BAHCC1: variants seen among roughly 807,000 people sequenced by gnomAD.
BAHCC1 encodes the protein BAH and coiled-coil domain-containing protein 1.
BAHCC1 carries 43 observed loss-of-function variants against 88.2 expected under a neutral mutation model. The observed-to-expected ratio is 0.49, with a 90% CI of 0.38 to 0.63. The LOEUF (loss-of-function observed/expected upper bound fraction) is 0.63. Ranked by LOEUF, BAHCC1 falls within the 20% of genes least tolerant of loss-of-function variation. The pLI, the probability that BAHCC1 is intolerant of heterozygous loss-of-function variation, is 0.00. For missense variants in BAHCC1, 3,023 were observed against 1,654.8 expected, an observed-to-expected ratio of 1.83 and a Z score of -14.34; for synonymous variants, 1,510 against 745.5, an observed-to-expected ratio of 2.03 and a Z score of -16.71.
intron 3 of BAHCC1, among the ~76,000 whole-genome samples, chr17:81,437,334 C>T (rs1188133905): frequency 4.6e-5 from 7 of 152,240 alleles, no homozygotes; most frequent in East Asian, 3.8e-4. Flanking sequence ...CTGCACTGCA[C>T]GGAGGGCTGG....
Position 81,456,352 on chromosome 17 carries a change from C to A in BAHCC1, c.4625C>A (p.Ala1542Asp). 1 of 722,440 alleles carries A rather than the reference C, an allele frequency of 1.4e-6. No individual in the cohort carries two copies. Among genetic ancestry groups the A allele is most frequent in the Admixed American group, 2.0e-5 (1 of 50,884 alleles). 44.8% of individuals were successfully genotyped at this position (722,440 alleles called of 1,614,324 possible). ...CAGGGCGGGCTGGCGCCCTCCGTGG[C>A]CCACAGGGTGGCCCAGCTGAAACCC... Reference protein sequence around the residue: ...SCQGGLAPSVAHRVAQLKPKV... With the variant: ...SCQGGLAPSVDHRVAQLKPKV... The change falls in exon 16 of 28, where the codon GCC (alanine) becomes GAC (aspartate). Residue 1542 changes from alanine to aspartate, a missense_variant. Ala to Asp is a moderately radical substitution (Grantham distance 126, BLOSUM62 -2). Transcript: ENST00000675386.
In BAHCC1 at chr17:81,460,317, G is replaced by A. The variant is rs1555658737; in HGVS notation, c.5946G>A (p.Val1982=). The A allele has an allele frequency of 3.9e-6, 3 of 776,578 alleles. No homozygotes were observed. Among genetic ancestry groups the A allele is most frequent in the African/African-American group, 1.7e-5 (1 of 59,050 alleles). The allele number at this position is 776,578 out of a possible 1,614,324, so 48.1% of individuals were successfully genotyped here. The part of the protein sequence containing the change: ...GDEDEDLDSV[V]VEFDDGDTGH... The stretch of plus-strand genomic sequence containing the variant: ...AAGATGAGGACCTGGACTCAGTAGT[G>A]GTGGAATTTGACGATGGGGATACAG... The change falls in exon 24 of 28, where the codon GTG becomes GTA. Residue 1982 remains valine, a synonymous_variant. Transcript: ENST00000675386.
intron 1 of BAHCC1, among the ~76,000 whole-genome samples, chr17:81,398,028 G>T (rs2063764559): frequency 2.6e-5 from 4 of 152,114 alleles, no homozygotes; most frequent in African/African-American, 4.8e-5. Flanking sequence ...AATTTAAAAA[G>T]GTATTCAGTA....
Position 81,411,609 on chromosome 17 carries a change from G to T in BAHCC1, c.178+11692G>T, listed in dbSNP as rs1176772371. The T allele has an allele frequency of 2.3e-6, 1 of 437,052 alleles. No individual in the cohort carries two copies. Among genetic ancestry groups the T allele is most frequent in the Non-Finnish European group, 4.6e-6 (1 of 218,846 alleles). 27.1% of individuals were successfully genotyped at this position (437,052 alleles called of 1,614,324 possible). ...CTCTACCCAGCACCCACGAAGACGG[G>T]TGAGCTGCTGGCCACCCGAAGAGGG... On this transcript the variant is annotated intron_variant, in intron 2 of 27. Coordinates refer to ENST00000675386, the MANE Select transcript of BAHCC1 (RefSeq NM_001377448.1). The surrounding 1 kb of genome is among the most constrained non-coding windows in gnomAD (Gnocchi z 6.2).
intron 2 of BAHCC1, among the ~76,000 whole-genome samples, chr17:81,426,102 G>A (rs2064193231): frequency 3.4e-5 from 5 of 146,282 alleles, no homozygotes; most frequent in Admixed American, 1.4e-4. Flanking sequence ...GGTGATAGTG[G>A]TGGGTGATGT....
chr17:81,461,045 A>G lies in BAHCC1; in HGVS notation c.6382A>G (p.Ser2128Gly). 2.6e-6 allele frequency: 2 copies of G among 772,232 alleles called. No homozygotes were observed. Among genetic ancestry groups the G allele is most frequent in the Non-Finnish European group, 4.8e-6 (2 of 416,998 alleles). The allele number at this position is 772,232 out of a possible 1,614,324, so 47.8% of individuals were successfully genotyped here. The change falls in exon 26 of 28, where the codon AGC (serine) becomes GGC (glycine). Residue 2128 changes from serine to glycine, a missense_variant. Ser to Gly is a moderately conservative substitution (Grantham distance 56). Transcript: ENST00000675386. ...VLQNLFQLNGSSKKLRAREAL... is the reference protein window; with the variant it reads ...VLQNLFQLNGGSKKLRAREAL... ...GCAGAACCTCTTCCAGCTCAACGGC[A>G]GCAGCAAGAAGCTGCGGGCCCGCGA...
intron 2 of BAHCC1, chr17:81,412,958 A>G (rs912079553): frequency 7.2e-6 from 2 of 275,872 alleles, no homozygotes; most frequent in African/African-American, 4.6e-5. Context: ...GAGAGAGCGC[A>G]GGACGGAAGC....
At chr17:81,443,777 C>T (rs1483334503) in intron 5 of BAHCC1, 32 bp from the exon 6 acceptor site, 1 of 705,412 alleles carries the variant, frequency 1.4e-6, no homozygotes, top group Non-Finnish European at 2.6e-6. Context: ...CCGCCCCAAC[C>T]CTCTCCCGTC....
chr17:81,421,339 CG>C (rs1215926201), intron 2 of BAHCC1, among the ~76,000 whole-genome samples: 4 of 151,474 alleles, frequency 2.6e-5, no homozygotes, highest in Non-Finnish European at 2.9e-5. Context: ...CACTGGTCGG[CG>C]GGGGGGCTGG....
intron 4 of BAHCC1, among the ~76,000 whole-genome samples, chr17:81,440,258 A>G (rs2064393163): frequency 6.6e-6 from 1 of 152,166 alleles, no homozygotes; most frequent in Non-Finnish European, 1.5e-5. Context: ...GGCGGGTCCC[A>G]ACCCCAGAAA....
intron 2 of BAHCC1, among the ~76,000 whole-genome samples, chr17:81,410,441 C>T (rs970497977): frequency 1.2e-4 from 18 of 152,198 alleles, no homozygotes; most frequent in African/African-American, 3.9e-4. Context: ...TGCCCTGGCA[C>T]GGGGGTCCAG....
chr17:81,413,114 C>G, intron 2 of BAHCC1: 1 of 446,304 alleles, frequency 2.2e-6, no homozygotes, highest in Middle Eastern at 3.3e-4. Context: ...TTATCAGGGC[C>G]TTCTCTGAGG....
rs546903440 is a variant in BAHCC1 at position 81,446,025 on chromosome 17, C to G, written c.3163+344C>G. On this transcript the variant is annotated intron_variant, in intron 10 of 27. Transcript: ENST00000675386. Reference sequence around the variant, plus strand: ...TGGGGGCACTGGGCATGGGACTTGACCAGGCTGCCATTCAGGGTCTCAGCA... The same window carrying G: ...TGGGGGCACTGGGCATGGGACTTGAGCAGGCTGCCATTCAGGGTCTCAGCA... Among the ~76,000 whole-genome samples the G allele has an allele frequency of 4.6e-5, 7 of 152,312 alleles. No homozygotes were observed. In the South Asian group the frequency reaches 1.4e-3, roughly 32 times the overall value.
Position 81,460,407 on chromosome 17 carries a change from G to A in BAHCC1, c.6025+11G>A, listed in dbSNP as rs1555658804. On this transcript the variant is annotated intron_variant, in intron 24 of 27. Coordinates refer to ENST00000675386, the MANE Select transcript of BAHCC1 (RefSeq NM_001377448.1). ...ACTTCAAGATCCAGTGTGAGCCTGG[G>A]AGCTGCACGGGGCAGGGCCCTGCCT... 4.0e-6 allele frequency: 3 copies of A among 754,100 alleles called. No homozygotes were observed. Among genetic ancestry groups the A allele is most frequent in the Non-Finnish European group, 2.5e-6 (1 of 405,518 alleles). The allele number at this position is 754,100 out of a possible 1,614,324, so 46.7% of individuals were successfully genotyped here.
Position 81,462,204 on chromosome 17 carries a change from G to A in BAHCC1, c.7383+158G>A, listed in dbSNP as rs114835796. ...AAGGGAAGAACAAAGACCCATCCAT[G>A]ACCCAGTGAGGCAGCCGCTTCCGCT... On this transcript the variant is annotated intron_variant, in intron 26 of 27. Coordinates refer to ENST00000675386, the MANE Select transcript of BAHCC1 (RefSeq NM_001377448.1). Among the ~76,000 whole-genome samples the A allele has an allele frequency of 5.0e-3, 756 of 152,364 alleles. 7 individuals are homozygous for A. The highest frequency in any genetic ancestry group is 0.017 in the African/African-American group (721 of 41,592).
Position 81,426,756 on chromosome 17 carries a change from C to T in BAHCC1, c.179-44C>T, listed in dbSNP as rs968897011. On this transcript the variant is annotated intron_variant, in intron 2 of 27. Coordinates refer to ENST00000675386, the MANE Select transcript of BAHCC1 (RefSeq NM_001377448.1). ...TGCCCCTGCCCTGCCTCAGGCCACACCCTGGGAGCTGCCCCCAGAGTCACT... is the reference window on the plus strand; with the variant it reads ...TGCCCCTGCCCTGCCTCAGGCCACATCCTGGGAGCTGCCCCCAGAGTCACT... 292 of 398,520 alleles carry T rather than the reference C, an allele frequency of 7.3e-4. 3 individuals are homozygous for T. The highest frequency in any genetic ancestry group is 5.6e-3 in the African/African-American group (273 of 48,622). 24.7% of individuals were successfully genotyped at this position (398,520 alleles called of 1,614,324 possible).
chr17:81,407,101 G>A (rs1347107107), intron 2 of BAHCC1, among the ~76,000 whole-genome samples: 1 of 152,214 alleles, frequency 6.6e-6, no homozygotes, highest in Non-Finnish European at 1.5e-5. Flanking sequence ...CCTCTCCGGG[G>A]TCTGTGGGAG....
At chr17:81,427,354 C>T (rs2064212610) in intron 3 of BAHCC1, among the ~76,000 whole-genome samples, 1 of 152,172 alleles carries the variant, frequency 6.6e-6, no homozygotes, top group African/African-American at 2.4e-5. Context: ...AGGAGGCGGG[C>T]TCCAAATGTG....
chr17:81,423,041 T>C (rs1555649783), intron 2 of BAHCC1, among the ~76,000 whole-genome samples: 1 of 152,120 alleles, frequency 6.6e-6, no homozygotes, highest in Non-Finnish European at 1.5e-5. Flanking sequence ...AGTCCCAGCC[T>C]TGTGGTCCGG....
Sources: gnomAD v4.1 joint callset for allele counts (sites outside exome capture counted in the v4.1 genomes callset) on GRCh38, gnomAD v4.1.1 for gene constraint, Gnocchi (gnomAD v3.1) non-coding constraint, MANE v1.5 for transcripts, NCBI Gene and HGNC (gene_info 2026-07-23, HGNC 2026-07-21) for gene names.